The following RAD54B variants were observed in gnomAD, a reference collection of about 807,000 sequenced individuals.
RAD54B encodes the protein DNA repair and recombination protein RAD54B.
In RAD54B, 78 loss-of-function variants were observed where a neutral mutation model predicts 95.8. The ratio of observed to expected loss-of-function variants is 0.81; its 90% CI spans 0.68 to 0.98. RAD54B has a LOEUF of 0.98. Among genes scored for constraint, RAD54B ranks in the 50% least tolerant of loss-of-function variants. The pLI is 0.00. For missense variants in RAD54B, 957 were observed against 1,056.6 expected, an observed-to-expected ratio of 0.91 and a Z score of 1.31; for synonymous variants, 328 against 354.9, an observed-to-expected ratio of 0.92 and a Z score of 0.85.
intron 3 of RAD54B, among the ~76,000 whole-genome samples, chr8:94,435,370 A>G (rs1302827312): frequency 6.6e-6 from 1 of 152,076 alleles, no homozygotes; most frequent in East Asian, 1.9e-4. Flanking sequence ...CTAGTAAATT[A>G]CCAAAATAAC....
At chr8:94,432,009 G>T in intron 3 of RAD54B, 1 of 1,310,406 alleles carries the variant, frequency 7.6e-7, no homozygotes, top group Non-Finnish European at 9.7e-7. Flanking sequence ...TATCTAAAAA[G>T]TTTTTCCATA....
intron 3 of RAD54B, among the ~76,000 whole-genome samples, chr8:94,438,507 A>C (rs1190016357): frequency 6.6e-6 from 1 of 152,224 alleles, no homozygotes; most frequent in East Asian, 1.9e-4. Flanking sequence ...ACTCAAAATC[A>C]TTCTAGCATT....
At chr8:94,432,557 T>C (rs752966492) in intron 3 of RAD54B, 2 of 1,550,220 alleles carry the variant, frequency 1.3e-6, no homozygotes, top group African/African-American at 2.7e-5. Flanking sequence ...GTTTAATGTC[T>C]TCTTCTTGCT....
rs191229456 is a variant in RAD54B at position 94,425,903 on chromosome 8, A to C, written c.305-14588T>G. Reference sequence around the variant, plus strand: ...TTGAATGCACTTAAATATTACAAAAATTATTCATCAATTTCACTTCTGACA... The same window carrying C: ...TTGAATGCACTTAAATATTACAAAACTTATTCATCAATTTCACTTCTGACA... On this transcript the variant is annotated intron_variant, in intron 3 of 14. Coordinates refer to ENST00000336148, the MANE Select transcript of RAD54B (RefSeq NM_012415.3). Among the ~76,000 whole-genome samples, 530 of 152,192 alleles carry C rather than the reference A, an allele frequency of 3.5e-3. 1 individual carries two copies. Among genetic ancestry groups the C allele is most frequent in the African/African-American group, 0.012 (493 of 41,538 alleles).
intron 2 of RAD54B, among the ~76,000 whole-genome samples, chr8:94,459,729 G>A (rs982733625): frequency 6.6e-6 from 1 of 151,620 alleles, no homozygotes; most frequent in Non-Finnish European, 1.5e-5. Flanking sequence ...ACACGGTGGT[G>A]CACGCCTGTA....
rs551233724 is a variant in RAD54B at position 94,416,202 on chromosome 8, T to C, written c.305-4887A>G. Among the ~76,000 whole-genome samples, 539 of 151,740 alleles carry C rather than the reference T, an allele frequency of 3.6e-3. 3 individuals are homozygous for C. The highest frequency in any genetic ancestry group is 0.024 in the Middle Eastern group (7 of 294). ...TATGCAGCCATAAAAAATGATGAGT[T>C]CATGTCCTTTGTAGGGACATGGATG... is the stretch of plus-strand genomic sequence containing the variant. On this transcript the variant is annotated intron_variant, in intron 3 of 14. Coordinates refer to ENST00000336148, the MANE Select transcript of RAD54B (RefSeq NM_012415.3).
At chr8:94,377,780 T>C (rs1187720250) in intron 14 of RAD54B, among the ~76,000 whole-genome samples, 1 of 149,432 alleles carries the variant, frequency 6.7e-6, no homozygotes, top group East Asian at 2.0e-4. Flanking sequence ...ATCGAGACCA[T>C]CCTGGCTAAC....
chr8:94,441,482 C>A (rs1386177762), intron 3 of RAD54B, among the ~76,000 whole-genome samples: 1 of 152,124 alleles, frequency 6.6e-6, no homozygotes, highest in Non-Finnish European at 1.5e-5. Flanking sequence ...AAATGAACAG[C>A]CAGATGTAAG....
At chr8:94,382,957 T>G (rs551905929) in intron 11 of RAD54B, among the ~76,000 whole-genome samples, 1 of 152,264 alleles carries the variant, frequency 6.6e-6, no homozygotes, top group African/African-American at 2.4e-5. Context: ...AGGTATTTCT[T>G]TATAGCAGTG....
At chr8:94,387,229 A>G in intron 10 of RAD54B, 70 bp from the exon 11 acceptor site, 1 of 1,300,918 alleles carries the variant, frequency 7.7e-7, no homozygotes. Context: ...AAATGCTAAA[A>G]TTATGGAAGG....
chr8:94,447,480 G>A (rs748663763), intron 3 of RAD54B, among the ~76,000 whole-genome samples: 8 of 152,100 alleles, frequency 5.3e-5, no homozygotes, highest in Non-Finnish European at 1.0e-4. Context: ...TGCTGGTGGC[G>A]TCTCACAATA....
chr8:94,379,017 T>G (rs1221057136), intron 12 of RAD54B, among the ~76,000 whole-genome samples: 2 of 152,180 alleles, frequency 1.3e-5, no homozygotes, highest in Non-Finnish European at 2.9e-5. Context: ...ATACATGTAA[T>G]CAGCTAAGGC....
chr8:94,418,515 A>G (rs550476497), intron 3 of RAD54B, among the ~76,000 whole-genome samples: 1 of 152,274 alleles, frequency 6.6e-6, no homozygotes, highest in African/African-American at 2.4e-5. Context: ...AGCTCTACAA[A>G]TTTGAACACA....
At chr8:94,383,803 T>C (rs1484121629) in intron 11 of RAD54B, among the ~76,000 whole-genome samples, 1 of 152,036 alleles carries the variant, frequency 6.6e-6, no homozygotes, top group Non-Finnish European at 1.5e-5. Flanking sequence ...ATTAGAGAAA[T>C]GCAAATCAAA....
At position 94,470,199 on chromosome 8, in the gene RAD54B, G is replaced by A. The variant is rs561724559; in HGVS notation, c.-16-2644C>T. Among the ~76,000 whole-genome samples the A allele has an allele frequency of 7.2e-5, 11 of 152,274 alleles. No individual in the cohort carries two copies. The East Asian group carries it at 1.4e-3, about 19-fold the overall frequency. On this transcript the variant is annotated intron_variant, in intron 1 of 14. Coordinates refer to ENST00000336148, the MANE Select transcript of RAD54B (RefSeq NM_012415.3). The stretch of plus-strand genomic sequence containing the variant: ...CTGGGCAGGACACAGTGGCTCGCAC[G>A]CATGTAATCCCAGCACTTCAGGAGG...
chr8:94,457,656 T>C (rs983174062), intron 3 of RAD54B, among the ~76,000 whole-genome samples: 1 of 152,198 alleles, frequency 6.6e-6, no homozygotes, highest in African/African-American at 2.4e-5. Context: ...ATGAATAAAA[T>C]GTAATTTGGA....
At chr8:94,471,211 C>T (rs1453151646) in intron 1 of RAD54B, among the ~76,000 whole-genome samples, 2 of 149,738 alleles carry the variant, frequency 1.3e-5, no homozygotes, top group Admixed American at 1.3e-4. Flanking sequence ...ATCGCCAGTA[C>T]CAAATACACA....
chr8:94,441,831 T>C (rs1407586112), intron 3 of RAD54B, among the ~76,000 whole-genome samples: 1 of 152,130 alleles, frequency 6.6e-6, no homozygotes, highest in Non-Finnish European at 1.5e-5. Context: ...CAAACAGACA[T>C]TACTTTGGAG....
chr8:94,466,237 G>A (rs1813021448), intron 2 of RAD54B, among the ~76,000 whole-genome samples: 1 of 152,094 alleles, frequency 6.6e-6, no homozygotes, highest in Non-Finnish European at 1.5e-5. Flanking sequence ...TAACATAAAA[G>A]GATCAGGGAA....
Sources: gnomAD v4.1 joint callset for allele counts (sites outside exome capture counted in the v4.1 genomes callset) on GRCh38, gnomAD v4.1.1 for gene constraint, MANE v1.5 for transcripts, NCBI Gene and HGNC (gene_info 2026-07-23, HGNC 2026-07-21) for gene names.